The following KCTD8 variants were observed in gnomAD, a reference collection of about 807,000 sequenced individuals.
KCTD8 encodes potassium channel tetramerization domain containing 8, also known as BTB/POZ domain-containing protein KCTD8.
A neutral mutation model predicts 31.5 loss-of-function variants in KCTD8; 27 were observed. The observed-to-expected ratio is 0.86, with a 90% CI of 0.63 to 1.18. The LOEUF is 1.18. Ranked by LOEUF, KCTD8 falls within the 50% of genes most tolerant of loss-of-function variation. The pLI, the probability that KCTD8 is intolerant of heterozygous loss-of-function variation, is 0.00. For synonymous variants in KCTD8, 290 were observed against 280.0 expected, an observed-to-expected ratio of 1.04 and a Z score of -0.36; for missense variants, 658 against 647.7, an observed-to-expected ratio of 1.02 and a Z score of -0.17.
rs532065331 is a variant in KCTD8 at position 44,181,858 on chromosome 4, C to T, written c.962-6608G>A. On this transcript the variant is annotated intron_variant, in intron 1 of 1. Transcript: ENST00000360029. The stretch of plus-strand genomic sequence containing the variant: ...GATGTGGGGAGCGCCTCTGCCCGGC[C>T]GCGACCCCGTCTGGGATGTGAGGAG... Among the ~76,000 whole-genome samples the T allele has an allele frequency of 3.6e-3, 540 of 151,974 alleles. 2 individuals carry two copies. Among genetic ancestry groups the T allele is most frequent in the Non-Finnish European group, 5.8e-3 (393 of 67,938 alleles).
intron 1 of KCTD8, among the ~76,000 whole-genome samples, chr4:44,246,564 A>G (rs1465452304): frequency 3.3e-5 from 5 of 152,036 alleles, no homozygotes; most frequent in Non-Finnish European, 7.4e-5. Context: ...CTGAAAATTA[A>G]AAACTTTTCT....
intron 1 of KCTD8, among the ~76,000 whole-genome samples, chr4:44,226,266 C>T (rs1714959455): frequency 6.6e-6 from 1 of 152,090 alleles, no homozygotes; most frequent in South Asian, 2.1e-4. Flanking sequence ...TGTTCAATTC[C>T]CACTTATAAG....
At chr4:44,184,497 T>C (rs1359081034) in intron 1 of KCTD8, among the ~76,000 whole-genome samples, 1 of 152,140 alleles carries the variant, frequency 6.6e-6, no homozygotes, top group Non-Finnish European at 1.5e-5. Flanking sequence ...TATTCCTTTT[T>C]TCATCCTGAC....
chr4:44,343,030 T>C (rs1227412862), intron 1 of KCTD8, among the ~76,000 whole-genome samples: 1 of 152,232 alleles, frequency 6.6e-6, no homozygotes, highest in East Asian at 1.9e-4. Context: ...CACTTTCCTA[T>C]CACTCATGTG....
intron 1 of KCTD8, among the ~76,000 whole-genome samples, chr4:44,315,974 T>G (rs1718096539): frequency 6.6e-6 from 1 of 152,182 alleles, no homozygotes; most frequent in South Asian, 2.1e-4. Flanking sequence ...AACTGAAGAC[T>G]TAGGTTTTCT....
At chr4:44,204,859 T>C (rs1008528925) in intron 1 of KCTD8, among the ~76,000 whole-genome samples, 7 of 151,994 alleles carry the variant, frequency 4.6e-5, no homozygotes, top group African/African-American at 1.7e-4. Context: ...ATGGTTTATC[T>C]AAAACTGGAA....
chr4:44,261,534 C>A (rs1716165142), intron 1 of KCTD8, among the ~76,000 whole-genome samples: 2 of 151,710 alleles, frequency 1.3e-5, no homozygotes, highest in Non-Finnish European at 2.9e-5. Flanking sequence ...CATTAGATTC[C>A]CAGAACTTAT....
At chr4:44,433,557 T>A (rs1414784777) in intron 1 of KCTD8, among the ~76,000 whole-genome samples, 2 of 151,720 alleles carry the variant, frequency 1.3e-5, no homozygotes, top group Non-Finnish European at 1.5e-5. Flanking sequence ...TTATATGATA[T>A]TCTCCAGTGA....
At chr4:44,432,570 C>T (rs1409220051) in intron 1 of KCTD8, among the ~76,000 whole-genome samples, 2 of 151,584 alleles carry the variant, frequency 1.3e-5, no homozygotes, top group African/African-American at 4.8e-5. Context: ...ACTAATACAG[C>T]TTTATTTATT....
chr4:44,199,438 A>C (rs1714064047), intron 1 of KCTD8, among the ~76,000 whole-genome samples: 1 of 152,104 alleles, frequency 6.6e-6, no homozygotes, highest in African/African-American at 2.4e-5. Context: ...AAAAAAACTG[A>C]AATCATACCA....
intron 1 of KCTD8, among the ~76,000 whole-genome samples, chr4:44,257,826 A>G (rs1015986805): frequency 2.0e-5 from 3 of 151,994 alleles, no homozygotes; most frequent in Admixed American, 6.6e-5. Context: ...CTCTACAGAA[A>G]GAAAAGGCAG....
chr4:44,295,582 A>C (rs761604988), intron 1 of KCTD8, among the ~76,000 whole-genome samples: 1 of 152,160 alleles, frequency 6.6e-6, no homozygotes, highest in Non-Finnish European at 1.5e-5. Context: ...TTAAAATTTG[A>C]TAAGTATTAC....
chr4:44,320,031 G>T (rs985252177), intron 1 of KCTD8, among the ~76,000 whole-genome samples: 1 of 151,850 alleles, frequency 6.6e-6, no homozygotes, highest in African/African-American at 2.4e-5. Flanking sequence ...AATTGGCTGG[G>T]TGTGCTGGTG....
intron 1 of KCTD8, among the ~76,000 whole-genome samples, chr4:44,277,865 T>C (rs1716796249): frequency 6.6e-6 from 1 of 151,876 alleles, no homozygotes; most frequent in African/African-American, 2.4e-5. Flanking sequence ...GATACCAAAA[T>C]CTGGGTTCTG....
At chr4:44,181,935 G>C (rs894779762) in intron 1 of KCTD8, among the ~76,000 whole-genome samples, 25 of 142,190 alleles carry the variant, frequency 1.8e-4, no homozygotes, top group Non-Finnish European at 3.7e-4. Flanking sequence ...CCCTCCACCC[G>C]GCAGCCGCCC....
intron 1 of KCTD8, among the ~76,000 whole-genome samples, chr4:44,289,721 G>T (rs911889469): frequency 1.3e-5 from 2 of 152,138 alleles, no homozygotes; most frequent in African/African-American, 4.8e-5. Flanking sequence ...AGTACACAGA[G>T]AGTAGAGAGA....
intron 1 of KCTD8, among the ~76,000 whole-genome samples, chr4:44,282,500 C>T (rs933455323): frequency 9.2e-5 from 14 of 151,994 alleles, no homozygotes. Flanking sequence ...TCTAAGTGTA[C>T]AAGTGAAAGG....
chr4:44,354,890 C>G (rs1719302688), intron 1 of KCTD8, among the ~76,000 whole-genome samples: 1 of 152,032 alleles, frequency 6.6e-6, no homozygotes, highest in Non-Finnish European at 1.5e-5. Context: ...TATTCCCAAT[C>G]TGAAAGGCAA....
chr4:44,231,093 A>G (rs975723866), intron 1 of KCTD8, among the ~76,000 whole-genome samples: 4 of 152,154 alleles, frequency 2.6e-5, no homozygotes, highest in Non-Finnish European at 5.9e-5. Context: ...TCAGATATGC[A>G]CATTTAGGTA....
Sources: gnomAD v4.1 joint callset for allele counts (sites outside exome capture counted in the v4.1 genomes callset) on GRCh38, gnomAD v4.1.1 for gene constraint, MANE v1.5 for transcripts, NCBI Gene and HGNC (gene_info 2026-07-23, HGNC 2026-07-21) for gene names.